CAMK1D: variants seen among roughly 807,000 people sequenced by gnomAD.
CAMK1D encodes calcium/calmodulin dependent protein kinase ID.
CAMK1D carries 9 observed loss-of-function variants against 47.7 expected under a neutral mutation model. That is an observed-to-expected ratio of 0.19 (90% CI 0.11 to 0.33). The LOEUF (loss-of-function observed/expected upper bound fraction) is 0.33. Among genes scored for constraint, CAMK1D ranks in the 10% least tolerant of loss-of-function variants. CAMK1D has a pLI of 1.00. For synonymous variants in CAMK1D, 184 were observed against 184.9 expected (o/e 0.99, Z 0.04); for missense variants, 291 against 488.7 (o/e 0.60, Z 3.81).
intron 3 of CAMK1D, among the ~76,000 whole-genome samples, chr10:12,752,831 C>T (rs1038526886): frequency 6.6e-6 from 1 of 152,202 alleles, no homozygotes; most frequent in African/African-American, 2.4e-5. Context: ...AGCCACTGGT[C>T]TTATGAACTG....
intron 3 of CAMK1D, among the ~76,000 whole-genome samples, chr10:12,696,761 A>C (rs1588811651): frequency 6.6e-6 from 1 of 152,252 alleles, no homozygotes; most frequent in Non-Finnish European, 1.5e-5. Flanking sequence ...ACTCAATAGA[A>C]CAAGTAGTTG....
chr10:12,618,927 T>A (rs574104282), intron 2 of CAMK1D, among the ~76,000 whole-genome samples: 1 of 152,358 alleles, frequency 6.6e-6, no homozygotes, highest in South Asian at 2.1e-4. Context: ...AGTGGCTAAG[T>A]AAATTGCCTA....
chr10:12,432,833 A>G (rs983971327), intron 1 of CAMK1D, among the ~76,000 whole-genome samples: 9 of 151,890 alleles, frequency 5.9e-5, no homozygotes, highest in Non-Finnish European at 1.3e-4. Context: ...TGTGCTGGAC[A>G]CTCTCGAAGG....
At chr10:12,513,762 C>G (rs373850532) in intron 1 of CAMK1D, among the ~76,000 whole-genome samples, 5 of 152,174 alleles carry the variant, frequency 3.3e-5, no homozygotes, top group African/African-American at 1.2e-4. Flanking sequence ...GATCATGCCA[C>G]TATACTCCAT....
chr10:12,755,287 G>A (rs1049127140), intron 3 of CAMK1D, among the ~76,000 whole-genome samples: 5 of 152,152 alleles, frequency 3.3e-5, no homozygotes, highest in Admixed American at 1.3e-4. Flanking sequence ...AAGTTATGAC[G>A]ATTATAGGCA....
At chr10:12,494,208 T>TCC (rs1470438404) in intron 1 of CAMK1D, among the ~76,000 whole-genome samples, 11 of 152,136 alleles carry the variant, frequency 7.2e-5, no homozygotes, top group Non-Finnish European at 1.5e-4. Context: ...TATATTATAG[T>TCC]CCATCAGAGG....
chr10:12,527,241 ACT>A (rs1358766372), intron 1 of CAMK1D, among the ~76,000 whole-genome samples: 1 of 149,202 alleles, frequency 6.7e-6, no homozygotes, highest in African/African-American at 2.5e-5. Flanking sequence ...CTTCCATCTG[ACT>A]CTTCACTTTT....
At chr10:12,773,297 G>A (rs1159948574) in intron 5 of CAMK1D, among the ~76,000 whole-genome samples, 1 of 152,128 alleles carries the variant, frequency 6.6e-6, no homozygotes, top group Admixed American at 6.5e-5. Context: ...TCGTCCCATG[G>A]TATCCACAGG....
intron 1 of CAMK1D, among the ~76,000 whole-genome samples, chr10:12,538,885 C>CAAAA (rs60713871): frequency 1.1e-5 from 1 of 89,202 alleles, no homozygotes; most frequent in Non-Finnish European, 2.2e-5. Context: ...AAAACTGAGG[C>CAAAA]AAAAAAAAAA....
intron 1 of CAMK1D, among the ~76,000 whole-genome samples, chr10:12,537,484 C>T (rs1447854605): frequency 1.3e-5 from 2 of 152,254 alleles, no homozygotes; most frequent in Non-Finnish European, 2.9e-5. Flanking sequence ...TCCCACATAA[C>T]TTTACCTTTT....
intron 3 of CAMK1D, among the ~76,000 whole-genome samples, chr10:12,697,050 G>T (rs1564501373): frequency 6.6e-6 from 1 of 152,126 alleles, no homozygotes; most frequent in Non-Finnish European, 1.5e-5. Context: ...GATATGAGTT[G>T]CCTTAAAAAA....
intron 1 of CAMK1D, among the ~76,000 whole-genome samples, chr10:12,395,253 T>G (rs1042853363): frequency 3.3e-5 from 5 of 151,654 alleles, no homozygotes; most frequent in Admixed American, 2.0e-4. Context: ...AATTTTTTTT[T>G]GTAGAGACCA....
intron 1 of CAMK1D, among the ~76,000 whole-genome samples, chr10:12,419,088 TC>T (rs1839955138): frequency 6.6e-6 from 1 of 152,168 alleles, no homozygotes; most frequent in South Asian, 2.1e-4. Context: ...TGAGAGGTCA[TC>T]CGTTTCAAAC....
At chr10:12,642,942 G>T (rs1243384158) in intron 2 of CAMK1D, among the ~76,000 whole-genome samples, 1 of 152,070 alleles carries the variant, frequency 6.6e-6, no homozygotes, top group East Asian at 1.9e-4. Context: ...TTTCTTAAAT[G>T]ATTATGAAAA....
At chr10:12,556,531 T>C (rs1394189139) in intron 2 of CAMK1D, among the ~76,000 whole-genome samples, 1 of 152,032 alleles carries the variant, frequency 6.6e-6, no homozygotes, top group Non-Finnish European at 1.5e-5. Context: ...TGAGCATAGT[T>C]TGCAGGGTCA....
chr10:12,611,608 T>TTTTTTTTTTTTTTTTTTC (rs1295505894), intron 2 of CAMK1D, among the ~76,000 whole-genome samples: 1 of 134,474 alleles, frequency 7.4e-6, no homozygotes, highest in Non-Finnish European at 1.6e-5. Context: ...TTTTTTTTTT[T>TTTTTTTTTTTTTTTTTTC]TGAGACAGAG....
intron 1 of CAMK1D, among the ~76,000 whole-genome samples, chr10:12,355,535 T>G (rs1254218953): frequency 3.3e-5 from 5 of 151,576 alleles, no homozygotes; most frequent in Non-Finnish European, 4.4e-5. Context: ...ACACTCGAGG[T>G]GGTTTGTATA....
rs1838001736 is a variant in CAMK1D, at chr10:12,792,020, G to A, written c.641+787G>A. On this transcript the variant is annotated intron_variant, in intron 6 of 10. Transcript: ENST00000619168. ...TTTCAATAATAGCCCTCTAATGGGT[G>A]TGAAGTGGTATCTCATTGGGGTTTT... Among the ~76,000 whole-genome samples the A allele has an allele frequency of 2.0e-5, 3 of 152,194 alleles. No homozygotes were observed. The South Asian group carries it at 6.2e-4, about 31-fold the overall frequency.
intron 2 of CAMK1D, among the ~76,000 whole-genome samples, chr10:12,558,554 CAAA>C (rs10574542): frequency 0.32 from 48,249 of 150,388 alleles, 7,666 homozygotes; most frequent in Middle Eastern, 0.45. Context: ...AACTCCATCT[CAAA>C]AAAAAAAAAT....
Sources: allele counts gnomAD v4.1 joint callset (sites outside exome capture counted in the v4.1 genomes callset), GRCh38; gene constraint gnomAD v4.1.1; transcripts MANE v1.5; gene names NCBI Gene and HGNC (gene_info 2026-07-23, HGNC 2026-07-21).